EPB41L2: variants seen among roughly 807,000 people sequenced by gnomAD.
EPB41L2 encodes the protein band 4.1-like protein 2.
In EPB41L2, 43 loss-of-function variants were observed where a neutral mutation model predicts 113.0. The ratio of observed to expected loss-of-function variants is 0.38; its 90% CI spans 0.30 to 0.49. The LOEUF (loss-of-function observed/expected upper bound fraction) is 0.49, where lower values mean the gene tolerates loss of function less well. EPB41L2 is among the 20% of genes least tolerant of loss of function. The pLI is 0.95. For synonymous variants in EPB41L2, 442 were observed against 436.7 expected, an observed-to-expected ratio of 1.01 and a Z score of -0.15; for missense variants, 1,147 against 1,223.4, an observed-to-expected ratio of 0.94 and a Z score of 0.93.
chr6:130,982,769 C>T (rs1413066006), intron 1 of EPB41L2, among the ~76,000 whole-genome samples: 1 of 152,188 alleles, frequency 6.6e-6, no homozygotes, highest in African/African-American at 2.4e-5. Flanking sequence ...GCTTTACAAA[C>T]ATATTTATGC....
chr6:131,050,494 C>G (rs1429507619), intron 1 of EPB41L2, among the ~76,000 whole-genome samples: 2 of 152,234 alleles, frequency 1.3e-5, no homozygotes, highest in Non-Finnish European at 2.9e-5. Flanking sequence ...TTAACTAACA[C>G]TGATCACATA....
At chr6:130,872,428 C>T (rs1786048684) in intron 14 of EPB41L2, 3 of 1,289,232 alleles carry the variant, frequency 2.3e-6, no homozygotes, top group Non-Finnish European at 2.0e-6. Flanking sequence ...CATTAGCGCT[C>T]ACAACAGCGC....
At chr6:130,947,548 A>G (rs1360207048) in intron 3 of EPB41L2, among the ~76,000 whole-genome samples, 1 of 152,174 alleles carries the variant, frequency 6.6e-6, no homozygotes, top group African/African-American at 2.4e-5. Context: ...AGTGCTCAAA[A>G]GTTCATTAAT....
At chr6:131,022,221 A>G (rs1789679250) in intron 1 of EPB41L2, among the ~76,000 whole-genome samples, 2 of 152,096 alleles carry the variant, frequency 1.3e-5, no homozygotes, top group Non-Finnish European at 2.9e-5. Context: ...TGCTCCTATG[A>G]GACTCTAATG....
chr6:131,045,426 A>G (rs544731532), intron 1 of EPB41L2, among the ~76,000 whole-genome samples: 1 of 134,098 alleles, frequency 7.5e-6, no homozygotes, highest in Admixed American at 7.3e-5. Context: ...AGAACTCAAG[A>G]GAAAGACTTA....
chr6:131,037,209 G>A (rs970637110), intron 1 of EPB41L2, among the ~76,000 whole-genome samples: 77 of 152,056 alleles, frequency 5.1e-4, no homozygotes, highest in African/African-American at 1.8e-3. Flanking sequence ...TCTACAGAAC[G>A]CTAAGCTTAG....
intron 1 of EPB41L2, among the ~76,000 whole-genome samples, chr6:131,014,503 G>A (rs897848062): frequency 6.6e-6 from 1 of 152,154 alleles, no homozygotes; most frequent in Non-Finnish European, 1.5e-5. Context: ...CCTGTCCTGG[G>A]AGAGTTGAAT....
chr6:130,964,006 A>G (rs1423672588), intron 1 of EPB41L2, among the ~76,000 whole-genome samples: 1 of 150,960 alleles, frequency 6.6e-6, no homozygotes, highest in African/African-American at 2.5e-5. Context: ...AGCTGAAGCT[A>G]TATTCTTTCT....
chr6:130,961,533 T>G (rs924646671), intron 1 of EPB41L2, among the ~76,000 whole-genome samples: 29 of 152,150 alleles, frequency 1.9e-4, no homozygotes, highest in Admixed American at 1.8e-3. Flanking sequence ...TCATGCTACT[T>G]AAAACATTGG....
intron 4 of EPB41L2, among the ~76,000 whole-genome samples, chr6:130,916,249 A>G (rs986756323): frequency 6.6e-6 from 1 of 152,200 alleles, no homozygotes; most frequent in Non-Finnish European, 1.5e-5. Context: ...TGTATTTTAC[A>G]CTAAAATCTT....
intron 3 of EPB41L2, among the ~76,000 whole-genome samples, chr6:130,939,542 C>T (rs566310917): frequency 2.0e-5 from 3 of 152,172 alleles, no homozygotes; most frequent in African/African-American, 7.2e-5. Context: ...TGTAAGACAC[C>T]GCGCCCGGCC....
chr6:130,964,246 T>A (rs1449922008), intron 1 of EPB41L2, among the ~76,000 whole-genome samples: 9 of 152,096 alleles, frequency 5.9e-5, no homozygotes, highest in African/African-American at 2.2e-4. Flanking sequence ...GGTCTCAAAC[T>A]CCTGACCTCA....
intron 1 of EPB41L2, among the ~76,000 whole-genome samples, chr6:131,005,969 G>GA (rs898701083): frequency 6.6e-5 from 10 of 151,426 alleles, no homozygotes; most frequent in African/African-American, 2.2e-4. Context: ...GCCTCAGCCA[G>GA]AAAAAAAAGG....
At chr6:130,985,335 C>T (rs1387684526) in intron 1 of EPB41L2, among the ~76,000 whole-genome samples, 12 of 151,534 alleles carry the variant, frequency 7.9e-5, no homozygotes, top group Admixed American at 7.2e-4. Flanking sequence ...AGGACCATCC[C>T]GCATCTCCTC....
At chr6:130,912,439 C>A (rs977976407) in intron 4 of EPB41L2, among the ~76,000 whole-genome samples, 3 of 152,186 alleles carry the variant, frequency 2.0e-5, no homozygotes, top group Admixed American at 2.0e-4. Context: ...GGTTTCACTA[C>A]TGTTCATGGC....
intron 15 of EPB41L2, chr6:130,867,888 T>C (rs1784319408): frequency 2.8e-6 from 1 of 352,808 alleles, no homozygotes; most frequent in African/African-American, 2.1e-5. Flanking sequence ...TGTTACTCTT[T>C]AAATTAAGAT....
intron 3 of EPB41L2, among the ~76,000 whole-genome samples, chr6:130,940,658 G>C (rs1030252675): frequency 4.0e-5 from 6 of 151,862 alleles, no homozygotes; most frequent in Non-Finnish European, 7.4e-5. Flanking sequence ...GTAGAGATGG[G>C]GTTTCATCAC....
At chr6:131,041,683 A>G (rs181721966) in intron 1 of EPB41L2, among the ~76,000 whole-genome samples, 2 of 152,300 alleles carry the variant, frequency 1.3e-5, no homozygotes, top group Non-Finnish European at 2.9e-5. Context: ...AACTCTATAG[A>G]GCAAACAATA....
chr6:130,897,656 A>G (rs913811111), intron 8 of EPB41L2, among the ~76,000 whole-genome samples: 1 of 152,204 alleles, frequency 6.6e-6, no homozygotes, highest in African/African-American at 2.4e-5. Context: ...GGTCTCAAAC[A>G]TATTTTTTCC....
Sources: gnomAD v4.1 joint callset for allele counts (sites outside exome capture counted in the v4.1 genomes callset) on GRCh38, gnomAD v4.1.1 for gene constraint, MANE v1.5 for transcripts, NCBI Gene and HGNC (gene_info 2026-07-23, HGNC 2026-07-21) for gene names.